The following UBR3 variants were observed in gnomAD, a reference collection of about 807,000 sequenced individuals.
UBR3 encodes the protein E3 ubiquitin-protein ligase UBR3.
A neutral mutation model predicts 243.2 loss-of-function variants in UBR3; 85 were observed. The ratio of observed to expected loss-of-function variants is 0.35; its 90% CI spans 0.29 to 0.42. The LOEUF (loss-of-function observed/expected upper bound fraction) is 0.42. Ranked by LOEUF, UBR3 falls within the 10% of genes least tolerant of loss-of-function variation. UBR3 has a pLI of 1.00. For missense variants in UBR3, 1,686 were observed against 2,300.8 expected (o/e 0.73, Z 5.47); for synonymous variants, 748 against 799.8 (o/e 0.94, Z 1.09).
intron 35 of UBR3, among the ~76,000 whole-genome samples, chr2:170,066,449 G>GTAT (rs1456593564): frequency 2.0e-5 from 3 of 152,110 alleles, no homozygotes; most frequent in Non-Finnish European, 2.9e-5. Context: ...AGTAGTTTGT[G>GTAT]TATGTGCATT....
At chr2:170,045,089 G>C (rs1034600601) in intron 32 of UBR3, among the ~76,000 whole-genome samples, 20 of 152,222 alleles carry the variant, frequency 1.3e-4, no homozygotes, top group Admixed American at 4.6e-4. Flanking sequence ...ATTTAAAAAA[G>C]AAAGAGGTTT....
intron 1 of UBR3, among the ~76,000 whole-genome samples, chr2:169,836,802 C>T (rs2082126962): frequency 6.6e-6 from 1 of 151,972 alleles, no homozygotes; most frequent in Non-Finnish European, 1.5e-5. Flanking sequence ...TCTTGGTGAA[C>T]TGCTGGTTCA....
At chr2:169,983,539 G>C (rs966526954) in intron 24 of UBR3, among the ~76,000 whole-genome samples, 1 of 152,046 alleles carries the variant, frequency 6.6e-6, no homozygotes, top group Non-Finnish European at 1.5e-5. Flanking sequence ...TGAGATTATA[G>C]GTGTGAGCCA....
chr2:169,894,037 G>A (rs1210953829), intron 6 of UBR3, among the ~76,000 whole-genome samples: 1 of 151,948 alleles, frequency 6.6e-6, no homozygotes, highest in Non-Finnish European at 1.5e-5. Context: ...GAAATGATCT[G>A]TTTCAGGAAG....
intron 1 of UBR3, among the ~76,000 whole-genome samples, chr2:169,834,870 T>C (rs2082036856): frequency 6.6e-6 from 1 of 152,218 alleles, no homozygotes. Flanking sequence ...TGTTACAATG[T>C]AGATAAACCT....
In UBR3 at chr2:170,041,002, CAG is replaced by C. The variant is rs755798575; in HGVS notation, c.4660+19_4660+20del. On this transcript the variant is annotated intron_variant, in intron 32 of 38. Transcript: ENST00000272793. ...TACGCAAAGGTATGTCTTTATAATT[CAG>C]ATTCTTTGATTATATACTATGTATT... 6.3e-7 allele frequency: 1 copy of C among 1,589,824 alleles called. No homozygotes were observed. The highest frequency in any genetic ancestry group is 1.7e-5 in the Admixed American group (1 of 59,804).
At chr2:169,967,233 C>T (rs1227893116) in intron 24 of UBR3, among the ~76,000 whole-genome samples, 3 of 124,602 alleles carry the variant, frequency 2.4e-5, no homozygotes, top group East Asian at 2.4e-4. Flanking sequence ...AGAGTATGCC[C>T]CCCCCACCCC....
chr2:170,062,778 T>C (rs2091480250), intron 35 of UBR3, among the ~76,000 whole-genome samples: 1 of 152,086 alleles, frequency 6.6e-6, no homozygotes, highest in African/African-American at 2.4e-5. Context: ...TGCCCATAAG[T>C]TGGAAAGTAT....
At chr2:170,029,521 T>C in intron 31 of UBR3, 73 bp downstream of exon 31, 1 of 1,187,034 alleles carries the variant, frequency 8.4e-7, no homozygotes, top group Non-Finnish European at 1.2e-6. Flanking sequence ...AAAAATGGAA[T>C]TGAAATTTCA....
intron 32 of UBR3, 128 bp from the exon 33 acceptor site, chr2:170,055,332 C>T (rs900669776): frequency 9.0e-7 from 1 of 1,115,464 alleles, no homozygotes; most frequent in African/African-American, 1.6e-5. Flanking sequence ...CAAAAACAAA[C>T]AAAAAAACTA....
chr2:169,932,834 C>A, intron 18 of UBR3, 78 bp from the exon 19 acceptor site: 1 of 1,213,264 alleles, frequency 8.2e-7, no homozygotes, highest in Non-Finnish European at 1.2e-6. Flanking sequence ...GTAAAATATA[C>A]TTAACAAATG....
At position 170,081,807 on chromosome 2, in the gene UBR3, C is replaced by G; in HGVS notation, c.5631C>G (p.Ile1877Met). 1 of 1,606,202 alleles carries G rather than the reference C, an allele frequency of 6.2e-7. No individual in the cohort carries two copies. The highest frequency in any genetic ancestry group is 8.5e-7 in the Non-Finnish European group (1 of 1,175,778). Residue 1877 changes from isoleucine to methionine, a missense_variant, in exon 39 of 39, where the codon ATC becomes ATG. By Grantham distance (10) the Ile-to-Met change is conservative. This residue lies in a region of UBR3 where 89 missense variants were observed against 183.3 expected (regional missense o/e 0.49). Transcript: ENST00000272793. ...QQWISHTFDHINKRWGPHYNG... is the reference protein window; with the variant it reads ...QQWISHTFDHMNKRWGPHYNG... ...GGATTTCTCATACTTTTGATCACAT[C>G]AATAAAAGATGGGGTCCACATTACA... is the stretch of plus-strand genomic sequence containing the variant.
chr2:169,876,935 A>G (rs1250841315), intron 3 of UBR3, among the ~76,000 whole-genome samples: 1 of 152,130 alleles, frequency 6.6e-6, no homozygotes, highest in East Asian at 1.9e-4. Flanking sequence ...CATCATGTCT[A>G]TGTTTTCACT....
chr2:169,844,865 G>A (rs1408824027), intron 1 of UBR3, among the ~76,000 whole-genome samples: 1 of 151,620 alleles, frequency 6.6e-6, no homozygotes, highest in East Asian at 1.9e-4. Context: ...TGTTGTTGTT[G>A]TTCTCAATTT....
At chr2:169,880,578 G>A (rs1209418594) in intron 5 of UBR3, among the ~76,000 whole-genome samples, 1 of 152,084 alleles carries the variant, frequency 6.6e-6, no homozygotes, top group Admixed American at 6.6e-5. Flanking sequence ...CTATTTTATG[G>A]TTGGGTGCTA....
rs1312803333 is a variant in UBR3, at chr2:169,827,687, C to G, written c.180C>G (p.Ser60Arg). Residue 60 changes from serine to arginine, a missense_variant, in exon 1 of 39, where the codon AGC becomes AGG. This residue lies in a region of UBR3 where 145 missense variants were observed against 243.8 expected (regional missense o/e 0.59). Transcript: ENST00000272793. ...ELQALLERVL[S>R]AERPLAAAAG... ...AGGCGCTGCTGGAGCGGGTGCTGAG[C>G]GCCGAGCGGCCGCTGGCCGCGGCTG... 3.3e-6 allele frequency: 4 copies of G among 1,210,344 alleles called. No individual in the cohort carries two copies. Among genetic ancestry groups the G allele is most frequent in the Non-Finnish European group, 4.1e-6 (4 of 977,712 alleles). The allele number at this position is 1,210,344 out of a possible 1,614,324, so 75.0% of individuals were successfully genotyped here. A position where few individuals can be genotyped will look rare whatever the true frequency, so the allele number is the denominator to read the frequency against.
At chr2:169,842,334 A>C (rs555875471) in intron 1 of UBR3, among the ~76,000 whole-genome samples, 11 of 152,294 alleles carry the variant, frequency 7.2e-5, no homozygotes, top group Admixed American at 6.5e-4. Context: ...CAGGGATTGT[A>C]AACGCACCAA....
At chr2:169,954,492 C>G (rs1193079229) in intron 23 of UBR3, among the ~76,000 whole-genome samples, 1 of 151,984 alleles carries the variant, frequency 6.6e-6, no homozygotes, top group Non-Finnish European at 1.5e-5. Flanking sequence ...ATCCCCCCGC[C>G]TCAGCCCCAC....
At chr2:169,909,620 A>G (rs2085170649) in intron 10 of UBR3, among the ~76,000 whole-genome samples, 1 of 152,148 alleles carries the variant, frequency 6.6e-6, no homozygotes, top group African/African-American at 2.4e-5. Flanking sequence ...TGTATTTTAC[A>G]TTTCAGAATT....
Sources: allele counts gnomAD v4.1 joint callset (sites outside exome capture counted in the v4.1 genomes callset), GRCh38; gene constraint gnomAD v4.1.1; regional missense constraint gnomAD v4.1.1; transcripts MANE v1.5; gene names NCBI Gene and HGNC (gene_info 2026-07-23, HGNC 2026-07-21).